The following PLXNA4 variants were observed in gnomAD, a reference collection of about 807,000 sequenced individuals.
The protein encoded by PLXNA4 is plexin-A4.
In PLXNA4, 44 loss-of-function variants were observed where a neutral mutation model predicts 191.8. The observed-to-expected ratio is 0.23, with a 90% CI of 0.18 to 0.29. PLXNA4 has a LOEUF of 0.29. PLXNA4 is among the 10% of genes least tolerant of loss of function. The probability of loss-of-function intolerance (pLI) is 1.00; values close to 1 mark genes in which losing one functional copy is unlikely to be tolerated. For missense variants in PLXNA4, 1,800 were observed against 2,488.8 expected (o/e 0.72, Z 5.89); for synonymous variants, 1,082 against 1,009.5 (o/e 1.07, Z -1.36).
chr7:132,645,185 G>A (rs1209944463), intron 2 of PLXNA4, among the ~76,000 whole-genome samples: 6 of 152,152 alleles, frequency 3.9e-5, no homozygotes, highest in Non-Finnish European at 5.9e-5. Context: ...TCATTTCATG[G>A]TCCCAGTCTG....
intron 2 of PLXNA4, among the ~76,000 whole-genome samples, chr7:132,586,902 C>A (rs1438379039): frequency 6.6e-6 from 1 of 152,188 alleles, no homozygotes; most frequent in African/African-American, 2.4e-5. Flanking sequence ...AGCACTCCAT[C>A]CTGGGTGACA....
At chr7:132,259,122 C>CAGTCCCT (rs1462925994) in intron 4 of PLXNA4, among the ~76,000 whole-genome samples, 1 of 152,074 alleles carries the variant, frequency 6.6e-6, no homozygotes, top group Non-Finnish European at 1.5e-5. Flanking sequence ...CCCTAGCAGA[C>CAGTCCCT]AGTATTGAGC....
chr7:132,362,070 A>C (rs1803964716), intron 3 of PLXNA4, among the ~76,000 whole-genome samples: 1 of 152,198 alleles, frequency 6.6e-6, no homozygotes, highest in African/African-American at 2.4e-5. Flanking sequence ...TTCCAAGGCC[A>C]CTACAGCCAC....
chr7:132,488,823 C>T (rs548441454), intron 3 of PLXNA4, among the ~76,000 whole-genome samples: 5 of 152,312 alleles, frequency 3.3e-5, no homozygotes, highest in Admixed American at 2.6e-4. Flanking sequence ...GGCTCTGGGC[C>T]CCATTTGCAA....
intron 9 of PLXNA4, among the ~76,000 whole-genome samples, chr7:132,211,697 G>T (rs1392856725): frequency 6.6e-6 from 1 of 152,196 alleles, no homozygotes; most frequent in Admixed American, 6.5e-5. Flanking sequence ...GGCCCCAGAG[G>T]CCTCATAAAT....
intron 25 of PLXNA4, among the ~76,000 whole-genome samples, chr7:132,150,096 G>C (rs1303576015): frequency 2.0e-5 from 3 of 152,200 alleles, no homozygotes; most frequent in Non-Finnish European, 4.4e-5. Context: ...CTACATGCTT[G>C]TTCACTGGAG....
chr7:132,212,200 G>A (rs905383609), intron 9 of PLXNA4, among the ~76,000 whole-genome samples: 2 of 152,170 alleles, frequency 1.3e-5, no homozygotes, highest in African/African-American at 2.4e-5. Flanking sequence ...CATGACGCAC[G>A]TGTTCTTTCT....
intron 3 of PLXNA4, among the ~76,000 whole-genome samples, chr7:132,356,404 T>G (rs920231974): frequency 6.6e-6 from 1 of 152,244 alleles, no homozygotes; most frequent in African/African-American, 2.4e-5. Flanking sequence ...ATGTTCAAGA[T>G]GAACTTCCTG....
rs1000297352 is a variant in PLXNA4, at chr7:132,174,857, G to A, written c.3938C>T (p.Pro1313Leu). 1.2e-6 allele frequency: 2 copies of A among 1,614,212 alleles called. No homozygotes were observed. The highest frequency in any genetic ancestry group is 1.7e-6 in the Non-Finnish European group (2 of 1,180,054). ...LTSDLDGAGIPFLDYRTYTMR... is the reference protein window; with the variant it reads ...LTSDLDGAGILFLDYRTYTMR... ...GGTGTAAGTTCTATAGTCCAGGAACGGAATCCCGGCTCCATCCAGGTCACT... is the reference window on the plus strand; with the variant it reads ...GGTGTAAGTTCTATAGTCCAGGAACAGAATCCCGGCTCCATCCAGGTCACT... The change falls in exon 21 of 32, where the codon CCG becomes CTG. Residue 1313 changes from proline to leucine, a missense_variant. This residue lies in a region of PLXNA4 where 1,397 missense variants were observed against 1,880.4 expected (regional missense o/e 0.74). Transcript: ENST00000321063.
intron 3 of PLXNA4, chr7:132,383,923 T>C (rs1345074772): frequency 1.0e-6 from 1 of 985,338 alleles, no homozygotes; most frequent in Non-Finnish European, 1.2e-6. Context: ...CTGGGACGTA[T>C]TTCTGAACAA....
At chr7:132,191,504 C>A (rs1018354164) in intron 14 of PLXNA4, among the ~76,000 whole-genome samples, 21 of 152,128 alleles carry the variant, frequency 1.4e-4, no homozygotes, top group African/African-American at 4.6e-4. Flanking sequence ...ACTGGGGAAG[C>A]AGGGCAGAGG....
chr7:132,254,559 T>A (rs1186080255), intron 4 of PLXNA4, among the ~76,000 whole-genome samples: 1 of 152,220 alleles, frequency 6.6e-6, no homozygotes, highest in Non-Finnish European at 1.5e-5. Flanking sequence ...CTGTTGTCAG[T>A]GCTCAGCAAC....
At position 132,437,582 on chromosome 7, in the gene PLXNA4, AAAAC is replaced by A. The variant is rs777163554; in HGVS notation, c.1371+51706_1371+51709del. On this transcript the variant is annotated intron_variant, in intron 3 of 31. Transcript: ENST00000321063. ...GAGGAAAAAAAAGAAAAAAAAAAAA[AAAAC>A]AGAAAAAGCCACCAGCCCTGTACCC... Among the ~76,000 whole-genome samples the A allele has an allele frequency of 2.1e-3, 313 of 151,824 alleles. 1 individual carries two copies. Among genetic ancestry groups the A allele is most frequent in the Middle Eastern group, 0.017 (5 of 294 alleles).
At chr7:132,348,631 C>T (rs1803348161) in intron 3 of PLXNA4, among the ~76,000 whole-genome samples, 1 of 152,180 alleles carries the variant, frequency 6.6e-6, no homozygotes, top group Non-Finnish European at 1.5e-5. Flanking sequence ...TCTCCCAGGG[C>T]TGTAGGGATC....
chr7:132,175,193 C>T (rs1174875094), intron 20 of PLXNA4, among the ~76,000 whole-genome samples: 1 of 152,066 alleles, frequency 6.6e-6, no homozygotes, highest in African/African-American at 2.4e-5. Context: ...TGAGGCTGTC[C>T]ACAGATCTGT....
intron 3 of PLXNA4, among the ~76,000 whole-genome samples, chr7:132,418,938 T>A (rs1165853207): frequency 6.6e-6 from 1 of 152,184 alleles, no homozygotes. Context: ...GTTTTTCAAT[T>A]GTATCCGTGA....
chr7:132,607,817 C>G (rs1200649820), intron 2 of PLXNA4, among the ~76,000 whole-genome samples: 3 of 151,724 alleles, frequency 2.0e-5, no homozygotes, highest in Non-Finnish European at 4.4e-5. Context: ...ATCACCATCA[C>G]TGCCATCATC....
intron 3 of PLXNA4, among the ~76,000 whole-genome samples, chr7:132,304,952 G>T (rs1483139195): frequency 6.6e-6 from 1 of 152,188 alleles, no homozygotes; most frequent in Non-Finnish European, 1.5e-5. Context: ...GCTGCTGCAT[G>T]GGCCTCATTC....
At chr7:132,562,324 TC>T (rs1801214293) in intron 1 of PLXNA4, among the ~76,000 whole-genome samples, 1 of 113,036 alleles carries the variant, frequency 8.8e-6, no homozygotes, top group African/African-American at 3.8e-5. Flanking sequence ...CTCTTCCTCC[TC>T]CTCTCTCTCC....
Sources: gnomAD v4.1 joint callset for allele counts (sites outside exome capture counted in the v4.1 genomes callset) on GRCh38, gnomAD v4.1.1 for gene constraint, gnomAD v4.1.1 regional missense constraint, MANE v1.5 for transcripts, NCBI Gene and HGNC (gene_info 2026-07-23, HGNC 2026-07-21) for gene names.